The following KHDRBS2 variants were observed in gnomAD, a reference collection of about 807,000 sequenced individuals.
KHDRBS2 encodes KH RNA binding domain containing, signal transduction associated 2.
KHDRBS2 carries 26 observed loss-of-function variants against 44.3 expected under a neutral mutation model. The observed-to-expected ratio is 0.59, with a 90% confidence interval of 0.43 to 0.81. The LOEUF is 0.81. Among genes scored for constraint, KHDRBS2 ranks in the 40% least tolerant of loss-of-function variants. The probability of loss-of-function intolerance (pLI) is 0.00; values close to 1 mark genes in which losing one functional copy is unlikely to be tolerated. For missense variants in KHDRBS2, 476 were observed against 433.1 expected (o/e 1.10, Z -0.88); for synonymous variants, 194 against 151.1 (o/e 1.28, Z -2.08).
At chr6:61,547,599 T>C in the KHDRBS2 span, among the ~76,000 whole-genome samples, 1 of 152,122 alleles carries the variant, frequency 6.6e-6, no homozygotes, top group African/African-American at 2.4e-5. Context: ...TGTGCTTTGG[T>C]AGAGCAGTGA....
At chr6:61,963,784 A>G (rs1769292046) in intron 4 of KHDRBS2, among the ~76,000 whole-genome samples, 1 of 152,078 alleles carries the variant, frequency 6.6e-6, no homozygotes, top group Non-Finnish European at 1.5e-5. Flanking sequence ...GCAATCATGT[A>G]CGTGGGCCTG....
the KHDRBS2 span, among the ~76,000 whole-genome samples, chr6:61,577,055 A>G: frequency 6.6e-6 from 1 of 151,950 alleles, no homozygotes; most frequent in Non-Finnish European, 1.5e-5. Flanking sequence ...ATCTTATGTA[A>G]TTAAATTTAA....
At chr6:62,117,892 C>T (rs926572300) in intron 2 of KHDRBS2, among the ~76,000 whole-genome samples, 2 of 152,084 alleles carry the variant, frequency 1.3e-5, no homozygotes, top group African/African-American at 4.8e-5. Context: ...TTTCCTGTTT[C>T]AGTCTCCCGA....
chr6:61,977,635 C>T (rs1173217501), intron 4 of KHDRBS2, among the ~76,000 whole-genome samples: 2 of 152,212 alleles, frequency 1.3e-5, no homozygotes, highest in South Asian at 4.1e-4. Flanking sequence ...TAAATGATAT[C>T]ATTGTCTTAT....
At chr6:62,108,867 G>A (rs1192483) in intron 2 of KHDRBS2, among the ~76,000 whole-genome samples, 6 of 152,078 alleles carry the variant, frequency 3.9e-5, no homozygotes, top group Admixed American at 6.6e-5. Context: ...AACACCGCAT[G>A]TTCTCACTCA....
intron 2 of KHDRBS2, among the ~76,000 whole-genome samples, chr6:62,157,555 C>A (rs1816729442): frequency 6.6e-6 from 1 of 152,114 alleles, no homozygotes; most frequent in Admixed American, 6.6e-5. Context: ...GATGGGAACA[C>A]AGGAAATGTA....
At chr6:62,107,417 C>G (rs1367969419) in intron 2 of KHDRBS2, among the ~76,000 whole-genome samples, 1 of 152,126 alleles carries the variant, frequency 6.6e-6, no homozygotes, top group Admixed American at 6.5e-5. Flanking sequence ...AGGAGAACTA[C>G]AAACCACTGC....
chr6:61,656,812 G>A, the KHDRBS2 span, among the ~76,000 whole-genome samples: 29,284 of 151,876 alleles, frequency 0.19, 2,971 homozygotes, highest in African/African-American at 0.23. Context: ...TACCATGCAC[G>A]TGATGGCCTA....
At chr6:61,903,400 A>G (rs1804412846) in intron 4 of KHDRBS2, among the ~76,000 whole-genome samples, 1 of 152,056 alleles carries the variant, frequency 6.6e-6, no homozygotes, top group Non-Finnish European at 1.5e-5. Context: ...AATTGAATTC[A>G]ACATATATAG....
the KHDRBS2 span, among the ~76,000 whole-genome samples, chr6:61,558,734 C>A: frequency 1.3e-5 from 2 of 152,088 alleles, no homozygotes; most frequent in South Asian, 2.1e-4. Context: ...TCCAAAATTT[C>A]TGTTATTGCT....
intron 2 of KHDRBS2, among the ~76,000 whole-genome samples, chr6:62,142,125 G>C (rs1284931727): frequency 6.6e-6 from 1 of 152,032 alleles, no homozygotes; most frequent in African/African-American, 2.4e-5. Flanking sequence ...AGAGAGAAGA[G>C]TACTGATGAG....
chr6:61,996,060 T>C (rs1373654871), intron 3 of KHDRBS2, among the ~76,000 whole-genome samples: 1 of 152,206 alleles, frequency 6.6e-6, no homozygotes, highest in Non-Finnish European at 1.5e-5. Context: ...CAAGTATAAC[T>C]ACTTCTGGAT....
intron 6 of KHDRBS2, among the ~76,000 whole-genome samples, chr6:61,760,160 C>T (rs987641624): frequency 2.6e-5 from 4 of 151,990 alleles, no homozygotes; most frequent in Non-Finnish European, 5.9e-5. Flanking sequence ...GCTAAACATC[C>T]GGAAGACATT....
intron 6 of KHDRBS2, among the ~76,000 whole-genome samples, chr6:61,777,739 G>C (rs1185190151): frequency 1.3e-5 from 2 of 151,942 alleles, no homozygotes; most frequent in African/African-American, 4.8e-5. Flanking sequence ...ACAGATTCTT[G>C]ATATCTTTCA....
chr6:62,227,412 GGAGTTT>G (rs1384209835), intron 1 of KHDRBS2, among the ~76,000 whole-genome samples: 1 of 152,300 alleles, frequency 6.6e-6, no homozygotes, highest in Middle Eastern at 3.4e-3. Flanking sequence ...AGCAGCTTAA[GGAGTTT>G]TTGGGCTGAG....
intron 1 of KHDRBS2, among the ~76,000 whole-genome samples, chr6:62,199,519 A>G (rs1826452832): frequency 1.3e-5 from 2 of 152,158 alleles, no homozygotes; most frequent in South Asian, 4.1e-4. Flanking sequence ...TAGGAATCCA[A>G]CTTACAAGGG....
intron 6 of KHDRBS2, among the ~76,000 whole-genome samples, chr6:61,765,259 C>T (rs1416775312): frequency 1.3e-5 from 2 of 151,958 alleles, no homozygotes; most frequent in African/African-American, 2.4e-5. Context: ...TTGAGACCAG[C>T]CTGGGCAAAA....
chr6:61,588,498 C>T, the KHDRBS2 span, among the ~76,000 whole-genome samples: 1 of 152,142 alleles, frequency 6.6e-6, no homozygotes, highest in Non-Finnish European at 1.5e-5. Flanking sequence ...CACAATTATA[C>T]TCAGATATAG....
At chr6:61,802,143 A>G (rs1715034) in intron 6 of KHDRBS2, among the ~76,000 whole-genome samples, 97,562 of 151,934 alleles carry the variant, frequency 0.64, 32,047 homozygotes, top group African/African-American at 0.79. Flanking sequence ...CAACTGAACT[A>G]AGAAAATGAA....
Sources: allele counts gnomAD v4.1 joint callset (sites outside exome capture counted in the v4.1 genomes callset), GRCh38; gene constraint gnomAD v4.1.1; transcripts MANE v1.5; gene names NCBI Gene and HGNC (gene_info 2026-07-23, HGNC 2026-07-21).